NAGA: variants seen among roughly 807,000 people sequenced by gnomAD.
NAGA encodes alpha-N-acetylgalactosaminidase.
A neutral mutation model predicts 45.6 loss-of-function variants in NAGA; 42 were observed. The ratio of observed to expected loss-of-function variants is 0.92; its 90% confidence interval spans 0.72 to 1.19. NAGA has a LOEUF of 1.19. Among genes scored for constraint, NAGA ranks in the 50% most tolerant of loss-of-function variants. The probability of loss-of-function intolerance (pLI) is 0.00; values close to 1 mark genes in which losing one functional copy is unlikely to be tolerated. For missense variants in NAGA, 493 were observed against 544.8 expected (o/e 0.90, Z 0.95); for synonymous variants, 176 against 203.1 (o/e 0.87, Z 1.13).
At position 42,068,503 on chromosome 22, in the gene NAGA, A is replaced by C; in HGVS notation, c.88T>G (p.Trp30Gly). The change falls in exon 2 of 9, where the codon TGG (tryptophan) becomes GGG (glycine). Residue 30 changes from tryptophan (W) to glycine (G), a missense_variant. By Grantham distance (184) the Trp-to-Gly change is radical (BLOSUM62 -2). Transcript: ENST00000396398. The part of the protein sequence containing the change: ...NGLLQTPPMG[W>G]LAWERFRCNI... ...CAGCGGAAGCGTTCCCAGGCCAGCCAGCCCATGGGTGGTGTCTGCAGGAGC... is the reference window on the plus strand; with the variant it reads ...CAGCGGAAGCGTTCCCAGGCCAGCCCGCCCATGGGTGGTGTCTGCAGGAGC... 6.2e-7 allele frequency: 1 copy of C among 1,614,162 alleles called. No homozygotes were observed. The highest frequency in any genetic ancestry group is 8.5e-7 in the Non-Finnish European group (1 of 1,180,026).
chr22:42,062,181 C>T (rs1430084752), intron 7 of NAGA, among the ~76,000 whole-genome samples: 4 of 152,028 alleles, frequency 2.6e-5, no homozygotes, highest in Non-Finnish European at 1.5e-5. Context: ...TTGGCTATAA[C>T]AGCTTCTCCT....
intron 6 of NAGA, among the ~76,000 whole-genome samples, chr22:42,063,457 T>C (rs2146838222): frequency 6.6e-6 from 1 of 152,082 alleles, no homozygotes; most frequent in East Asian, 1.9e-4. Context: ...CAGACAACCA[T>C]GGCACCACCA....
At chr22:42,061,161 T>A in intron 7 of NAGA, 94 bp from the exon 8 acceptor site, 1 of 1,475,354 alleles carries the variant, frequency 6.8e-7, no homozygotes, top group African/African-American at 1.4e-5. Flanking sequence ...GGTCCCCCAG[T>A]TCACAGCTCC....
Position 42,070,724 on chromosome 22 carries a change from C to G in NAGA, c.-427G>C, listed in dbSNP as rs1255299891. The G allele has an allele frequency of 6.4e-6, 2 of 314,554 alleles. No individual in the cohort carries two copies. Among genetic ancestry groups the G allele is most frequent in the Non-Finnish European group, 1.2e-5 (2 of 161,642 alleles). 19.5% of individuals were successfully genotyped at this position (314,554 alleles called of 1,614,324 possible). A position where few individuals can be genotyped will look rare whatever the true frequency, so the allele number is the denominator to read the frequency against. On this transcript the variant is annotated 5_prime_UTR_variant, in exon 1 of 9. Transcript: ENST00000396398. The stretch of plus-strand genomic sequence containing the variant: ...GGTCCGGGTTCCCGCCCTGGGCTCC[C>G]CAAAACCGCAGAGCCCCCTCCCACC...
intron 8 of NAGA, 67 bp downstream of exon 8, chr22:42,060,857 C>G: frequency 6.2e-7 from 1 of 1,606,836 alleles, no homozygotes; most frequent in East Asian, 2.2e-5. Context: ...GAACAACCAC[C>G]CCCCATAATA....
chr22:42,067,894 A>G lies in NAGA; in HGVS notation c.195T>C (p.Asp65=). The change falls in exon 3 of 9, where the codon GAT becomes GAC. Residue 65 remains aspartate (D), a synonymous_variant. Coordinates refer to ENST00000396398, the MANE Select transcript of NAGA (RefSeq NM_000262.3). ...FMEMADRMAQ[D]GWRDMGYTYL... is the part of the protein sequence containing the mutation. ...ATGTGTAGCCCATGTCCCGCCATCC[A>G]TCCTGTGCCATCCGGTCAGCCATCT... 1 of 1,613,750 alleles carries G rather than the reference A, an allele frequency of 6.2e-7. No homozygotes were observed. The highest frequency in any genetic ancestry group is 1.1e-5 in the South Asian group (1 of 91,082).
At position 42,067,928 on chromosome 22, in the gene NAGA, A is replaced by C; in HGVS notation, c.161T>G (p.Leu54Arg). 1.2e-6 allele frequency: 2 copies of C among 1,613,488 alleles called. No homozygotes were observed. The highest frequency in any genetic ancestry group is 2.2e-5 in the South Asian group (2 of 91,086). Residue 54 changes from leucine (L) to arginine (R), a missense_variant, in exon 3 of 9, where the codon CTC becomes CGC. By Grantham distance (102) the Leu-to-Arg change is moderately radical. Coordinates refer to ENST00000396398, the MANE Select transcript of NAGA (RefSeq NM_000262.3). ...EDPKNCISEQ[L>R]FMEMADRMAQ... ...CATCCGGTCAGCCATCTCCATGAAGAGCTGTTCACTAGTGAGGGGCAGAGG... is the reference window on the plus strand; with the variant it reads ...CATCCGGTCAGCCATCTCCATGAAGCGCTGTTCACTAGTGAGGGGCAGAGG...
In NAGA at chr22:42,058,645, G is replaced by A. The variant is rs1926190379; in HGVS notation, c.*1634C>T. On this transcript the variant is annotated 3_prime_UTR_variant, in exon 9 of 9. Transcript: ENST00000396398. ...AAGGAAAACTTATACAGCAAGTAAA[G>A]ACATGTAGCTATCTTGGGCTGAAAG... is the stretch of plus-strand genomic sequence containing the variant. 6.6e-6 allele frequency: 1 copy of A among 152,328 alleles called. No homozygotes were observed. The allele number at this position is 152,328 out of a possible 1,614,324, so 9.4% of individuals were successfully genotyped here.
chr22:42,062,265 G>A (rs1166525074), intron 7 of NAGA, among the ~76,000 whole-genome samples: 1 of 152,114 alleles, frequency 6.6e-6, no homozygotes, highest in Non-Finnish European at 1.5e-5. Context: ...CCTGAGGCCA[G>A]GAGTTCGAGA....
chr22:42,069,743 AAC>A (rs1926942837), intron 1 of NAGA, among the ~76,000 whole-genome samples: 1 of 152,226 alleles, frequency 6.6e-6, no homozygotes, highest in Non-Finnish European at 1.5e-5. Flanking sequence ...TGAATACTGA[AAC>A]ACAGGTTGTA....
Position 42,070,761 on chromosome 22 carries a change from AC to A in NAGA, c.-465del, listed in dbSNP as rs1387637152. On this transcript the variant is annotated 5_prime_UTR_variant, in exon 1 of 9. Coordinates refer to ENST00000396398, the MANE Select transcript of NAGA (RefSeq NM_000262.3). ...AGCCCCCTCCCACCGCACTTATCCT[AC>A]CGAAGCGTTCAGACCTGCCGCCGCT... The A allele has an allele frequency of 3.7e-6, 1 of 271,032 alleles. No individual in the cohort carries two copies. The highest frequency in any genetic ancestry group is 7.3e-6 in the Non-Finnish European group (1 of 136,276). 16.8% of individuals were successfully genotyped at this position (271,032 alleles called of 1,614,324 possible). A position where few individuals can be genotyped will look rare whatever the true frequency, so the allele number is the denominator to read the frequency against.
intron 3 of NAGA, 122 bp from the exon 4 acceptor site, chr22:42,067,412 G>T: frequency 7.8e-7 from 1 of 1,275,646 alleles, no homozygotes; most frequent in Non-Finnish European, 1.1e-6. Context: ...GATGGTCCCA[G>T]CATGCTGGCC....
Position 42,066,650 on chromosome 22 carries a change from C to T in NAGA, c.597+60G>A, listed in dbSNP as rs964911193. On this transcript the variant is annotated intron_variant, in intron 5 of 8. Transcript: ENST00000396398. ...GGCCCCGTCCCTGAAGCCTGGCACTCAGGAGGTAAGGAGGCCTGGGTGTGG... is the reference window on the plus strand; with the variant it reads ...GGCCCCGTCCCTGAAGCCTGGCACTTAGGAGGTAAGGAGGCCTGGGTGTGG... 4.0e-6 allele frequency: 6 copies of T among 1,486,882 alleles called. No homozygotes were observed. The African/African-American group carries it at 4.2e-5, about 10-fold the overall frequency. The allele number at this position is 1,486,882 out of a possible 1,614,324, so 92.1% of individuals were successfully genotyped here.
At chr22:42,064,219 A>G (rs1389964256) in intron 6 of NAGA, among the ~76,000 whole-genome samples, 2 of 151,968 alleles carry the variant, frequency 1.3e-5, no homozygotes, top group Non-Finnish European at 2.9e-5. Flanking sequence ...GCATGCCTGT[A>G]ATCCCAGCTA....
At chr22:42,065,591 T>A (rs781311464) in intron 6 of NAGA, 147 bp downstream of exon 6, 24 of 1,096,322 alleles carry the variant, frequency 2.2e-5, no homozygotes, top group Non-Finnish European at 2.9e-5. Flanking sequence ...CTAAGTCAAG[T>A]CTAAAGCAAC....
At position 42,070,691 on chromosome 22, in the gene NAGA, T is replaced by C. The variant is rs377708906; in HGVS notation, c.-394A>G. ...CGGGGCTGCGGCCAGGCTCCGGACT[T>C]CCAGCCGGGTCCGGGTTCCCGCCCT... On this transcript the variant is annotated 5_prime_UTR_variant, in exon 1 of 9. Transcript: ENST00000396398. The C allele has an allele frequency of 7.3e-4, 246 of 338,360 alleles. 3 individuals are homozygous for C. Among genetic ancestry groups the C allele is most frequent in the South Asian group, 3.0e-3 (110 of 36,082 alleles). 21.0% of individuals were successfully genotyped at this position (338,360 alleles called of 1,614,324 possible).
intron 6 of NAGA, 98 bp downstream of exon 6, chr22:42,065,640 C>A: frequency 6.6e-7 from 1 of 1,524,810 alleles, no homozygotes; most frequent in Non-Finnish European, 9.0e-7. Context: ...GACCTAGAAC[C>A]CGGCAGTGAG....
intron 5 of NAGA, 23 bp downstream of exon 5, chr22:42,066,687 A>C (rs780433848): frequency 3.2e-6 from 5 of 1,574,580 alleles, no homozygotes; most frequent in Non-Finnish European, 4.3e-6. Context: ...AAGCGCCATC[A>C]GGCAGGGGGC....
intron 6 of NAGA, 47 bp from the exon 7 acceptor site, chr22:42,063,071 G>A: frequency 6.4e-7 from 1 of 1,573,850 alleles, no homozygotes; most frequent in Non-Finnish European, 8.7e-7. Flanking sequence ...CCTCAAGGAG[G>A]TAGACACAGG....
Sources: gnomAD v4.1 joint callset for allele counts (sites outside exome capture counted in the v4.1 genomes callset) on GRCh38, gnomAD v4.1.1 for gene constraint, MANE v1.5 for transcripts, NCBI Gene and HGNC (gene_info 2026-07-23, HGNC 2026-07-21) for gene names.